The following CARD9 variants were observed in gnomAD, a reference collection of about 807,000 sequenced individuals.
CARD9 encodes caspase recruitment domain family member 9, also known as caspase recruitment domain-containing protein 9.
A neutral mutation model predicts 66.0 loss-of-function variants in CARD9; 53 were observed. The ratio of observed to expected loss-of-function variants is 0.80; its 90% CI spans 0.64 to 1.01. The LOEUF (loss-of-function observed/expected upper bound fraction) is 1.01. Ranked by LOEUF, CARD9 falls within the 50% of genes least tolerant of loss-of-function variation. The pLI, the probability that CARD9 is intolerant of heterozygous loss-of-function variation, is 0.00. For synonymous variants in CARD9, 387 were observed against 313.8 expected, an observed-to-expected ratio of 1.23 and a Z score of -2.47; for missense variants, 769 against 743.2, an observed-to-expected ratio of 1.03 and a Z score of -0.40.
intron 10 of CARD9, 197 bp downstream of exon 10, chr9:136,366,603 G>C: frequency 1.6e-6 from 1 of 635,176 alleles, no homozygotes; most frequent in Non-Finnish European, 2.8e-6. Flanking sequence ...TGGGGCCCTG[G>C]GTTCCAGCTG....
rs1227583187 is a variant in CARD9 at position 136,364,044 on chromosome 9, A to G, written c.*258T>C. On this transcript the variant is annotated 3_prime_UTR_variant, in exon 13 of 13. Transcript: ENST00000371732. ...TGTATTGTGTGTTACATGGTGAAAC[A>G]GAACAGATCCTGAAGTTACACAGAT... The G allele has an allele frequency of 6.6e-7, 1 of 1,517,104 alleles. No individual in the cohort carries two copies. The highest frequency in any genetic ancestry group is 2.0e-5 in the Admixed American group (1 of 50,974). The allele number at this position is 1,517,104 out of a possible 1,614,324, so 94.0% of individuals were successfully genotyped here. A position where few individuals can be genotyped will look rare whatever the true frequency, so the allele number is the denominator to read the frequency against.
chr9:136,369,996 C>T, intron 6 of CARD9, 121 bp from the exon 7 acceptor site: 4 of 1,533,258 alleles, frequency 2.6e-6, no homozygotes, highest in Non-Finnish European at 3.5e-6. Context: ...CGGGGGAGGC[C>T]ATAGGAGTCC....
At chr9:136,366,458 T>G (rs950803926) in intron 10 of CARD9, 5 of 394,294 alleles carry the variant, frequency 1.3e-5, no homozygotes, top group African/African-American at 1.0e-4. Context: ...CTGGGCCTGC[T>G]CACCTCTGCA....
At chr9:136,367,909 G>C in intron 7 of CARD9, 81 bp from the exon 8 acceptor site, 1 of 1,493,118 alleles carries the variant, frequency 6.7e-7, no homozygotes, top group Non-Finnish European at 8.9e-7. Context: ...CCAACTCCAA[G>C]CAGAGGCTCC....
chr9:136,368,050 A>G, intron 7 of CARD9: 1 of 1,403,296 alleles, frequency 7.1e-7, no homozygotes, highest in Non-Finnish European at 9.3e-7. Context: ...GTCTCCTCCC[A>G]AGCCTGCACC....
At position 136,367,757 on chromosome 9, in the gene CARD9, C is replaced by G. The variant is rs1455610083; in HGVS notation, c.1149G>C (p.Lys383Asn). The G allele has an allele frequency of 3.7e-6, 6 of 1,605,362 alleles. No individual in the cohort carries two copies. The highest frequency in any genetic ancestry group is 1.7e-4 in the Middle Eastern group (1 of 6,060). Reference sequence around the variant, plus strand: ...CCTTCTCGCCCAGCTCCCGCACCTGCTTGCGCAGCGCGTCCTTCTCCTGCA... The same window carrying G: ...CCTTCTCGCCCAGCTCCCGCACCTGGTTGCGCAGCGCGTCCTTCTCCTGCA... ...RGLQEKDALR[K>N]QVRELGEKAD... Residue 383 changes from lysine to asparagine, a missense_variant, in exon 8 of 13, where the codon AAG becomes AAC. By Grantham distance (94) the Lys-to-Asn change is moderately conservative. Transcript: ENST00000371732.
intron 9 of CARD9, 76 bp from the exon 10 acceptor site, chr9:136,366,921 C>T (rs1833137872): frequency 1.3e-6 from 2 of 1,532,518 alleles, no homozygotes; most frequent in South Asian, 1.1e-5. Flanking sequence ...CCACCCCAGC[C>T]CTTGGCCCTC....
chr9:136,365,516 G>A (rs141562611), intron 10 of CARD9: 668 of 525,290 alleles, frequency 1.3e-3, no homozygotes, highest in Middle Eastern at 0.012. Context: ...AGACCTCGGG[G>A]GAACTTAAAC....
intron 2 of CARD9, 77 bp downstream of exon 2, chr9:136,371,818 G>C: frequency 6.5e-7 from 1 of 1,543,598 alleles, no homozygotes; most frequent in Non-Finnish European, 8.8e-7. Flanking sequence ...GAGGGTCAGG[G>C]TGGCAGAGCG....
At position 136,365,360 on chromosome 9, in the gene CARD9, C is replaced by T. The variant is rs534346385; in HGVS notation, c.1358-143G>A. 27 of 749,672 alleles carry T rather than the reference C, an allele frequency of 3.6e-5. No individual in the cohort carries two copies. In the African/African-American group the frequency reaches 4.3e-4, roughly 12 times the overall value. The allele number at this position is 749,672 out of a possible 1,614,324, so 46.4% of individuals were successfully genotyped here. Reference sequence around the variant, plus strand: ...CCACATGGGTCCAGTGTAGACTCTGCTTTCTGTAGATGAGACTGAGGCCTT... The same window carrying T: ...CCACATGGGTCCAGTGTAGACTCTGTTTTCTGTAGATGAGACTGAGGCCTT... On this transcript the variant is annotated intron_variant, in intron 10 of 12. Transcript: ENST00000371732.
At chr9:136,364,447 G>A (rs1441275522) in intron 12 of CARD9, 36 bp downstream of exon 12, 1 of 1,541,344 alleles carries the variant, frequency 6.5e-7, no homozygotes, top group South Asian at 1.2e-5. Context: ...CCGCTCCCCA[G>A]CCCGTTTTGG....
chr9:136,367,778 C>T lies in CARD9; in HGVS notation c.1128G>A (p.Gln376=), dbSNP rs550873526. ...ELHAQHARGL[Q]EKDALRKQVR... ...CCTGCTTGCGCAGCGCGTCCTTCTC[C>T]TGCAGGCCCCGGGCGTGCTGTGCGT... The change falls in exon 8 of 13, where the codon CAG becomes CAA. Residue 376 remains glutamine, a synonymous_variant. Transcript: ENST00000371732. 3 of 1,604,350 alleles carry T rather than the reference C, an allele frequency of 1.9e-6. No individual in the cohort carries two copies. Among genetic ancestry groups the T allele is most frequent in the Admixed American group, 1.7e-5 (1 of 59,954 alleles).
intron 11 of CARD9, chr9:136,364,774 C>CCAG (rs1485917921): frequency 3.3e-6 from 2 of 611,192 alleles, no homozygotes; most frequent in South Asian, 2.0e-5. Flanking sequence ...CAAGACACAC[C>CCAG]CAGGAGGCCA....
chr9:136,363,974 T>G lies in CARD9; in HGVS notation c.*328A>C. 1 of 1,127,328 alleles carries G rather than the reference T, an allele frequency of 8.9e-7. No homozygotes were observed. Among genetic ancestry groups the G allele is most frequent in the Non-Finnish European group, 1.3e-6 (1 of 766,698 alleles). The allele number at this position is 1,127,328 out of a possible 1,614,324, so 69.8% of individuals were successfully genotyped here. A position where few individuals can be genotyped will look rare whatever the true frequency, so the allele number is the denominator to read the frequency against. On this transcript the variant is annotated 3_prime_UTR_variant, in exon 13 of 13. Transcript: ENST00000371732. ...GCGGGAATGCGGGTCACCCGTGCTG[T>G]TTATTTACGCAGCTGTGTTTTCTAA...
Position 136,370,824 on chromosome 9 carries a change from G to T in CARD9, c.627+17C>A, listed in dbSNP as rs190628465. On this transcript the variant is annotated intron_variant, in intron 4 of 12. Coordinates refer to ENST00000371732, the MANE Select transcript of CARD9 (RefSeq NM_052813.5). ...CCAGGCGAGGGTGGCCTGGTTTCCC[G>T]GGGGCAGCGGGCGCACCTCCAGCTG... The T allele has an allele frequency of 8.8e-6, 14 of 1,592,356 alleles. No individual in the cohort carries two copies. Among genetic ancestry groups the T allele is most frequent in the Middle Eastern group, 3.4e-4 (2 of 5,936 alleles).
intron 2 of CARD9, 111 bp from the exon 3 acceptor site, chr9:136,371,572 C>G: frequency 2.0e-6 from 3 of 1,467,392 alleles, no homozygotes; most frequent in Non-Finnish European, 2.7e-6. Context: ...ATGAGGTGTG[C>G]CGTGGTCTGG....
chr9:136,368,439 G>A (rs1050005063), intron 7 of CARD9, among the ~76,000 whole-genome samples: 1 of 152,260 alleles, frequency 6.6e-6, no homozygotes, highest in Admixed American at 6.5e-5. Context: ...CCTTGGCGTG[G>A]GCCAGGCGCG....
At chr9:136,367,344 C>T (rs1429111503) in intron 8 of CARD9, 87 bp from the exon 9 acceptor site, 1 of 1,453,236 alleles carries the variant, frequency 6.9e-7, no homozygotes, top group Non-Finnish European at 9.5e-7. Flanking sequence ...GCGGGATCCT[C>T]CAGGGAGCCC....
At chr9:136,365,261 G>A (rs757008874) in intron 10 of CARD9, 44 bp from the exon 11 acceptor site, 15 of 1,580,432 alleles carry the variant, frequency 9.5e-6, no homozygotes, top group Admixed American at 5.0e-5. Context: ...CATCTGCTGG[G>A]CCACGTATAG....
Sources: allele counts gnomAD v4.1 joint callset (sites outside exome capture counted in the v4.1 genomes callset), GRCh38; gene constraint gnomAD v4.1.1; transcripts MANE v1.5; gene names NCBI Gene and HGNC (gene_info 2026-07-23, HGNC 2026-07-21).